LAMA3: variants seen among roughly 807,000 people sequenced by gnomAD.
The protein encoded by LAMA3 is laminin subunit alpha 3.
LAMA3 carries 281 observed loss-of-function variants against 402.0 expected under a neutral mutation model. The observed-to-expected ratio is 0.70, with a 90% CI of 0.63 to 0.77. The LOEUF (loss-of-function observed/expected upper bound fraction) is 0.77. Among genes scored for constraint, LAMA3 ranks in the 30% least tolerant of loss-of-function variants. LAMA3 has a pLI of 0.00. For synonymous variants in LAMA3, 1,431 were observed against 1,558.4 expected, an observed-to-expected ratio of 0.92 and a Z score of 1.93; for missense variants, 3,840 against 4,215.5, an observed-to-expected ratio of 0.91 and a Z score of 2.47.
chr18:23,731,476 C>A (rs1437352271), intron 2 of LAMA3, among the ~76,000 whole-genome samples: 3 of 152,192 alleles, frequency 2.0e-5, no homozygotes, highest in African/African-American at 7.2e-5. Context: ...AATGTATTAT[C>A]TTGTGGCAGA....
intron 13 of LAMA3, 60 bp downstream of exon 13, chr18:23,810,563 CT>C: frequency 6.3e-7 from 1 of 1,597,122 alleles, no homozygotes; most frequent in Non-Finnish European, 8.6e-7. Flanking sequence ...TGCAGCCAGC[CT>C]CCCAGAGAAG....
intron 56 of LAMA3, among the ~76,000 whole-genome samples, chr18:23,913,436 C>G (rs1051571687): frequency 2.6e-5 from 4 of 152,234 alleles, no homozygotes; most frequent in Non-Finnish European, 5.9e-5. Context: ...ATCACTACTA[C>G]TACTATCAGT....
chr18:23,690,077 T>G, intron 1 of LAMA3, 100 bp downstream of exon 1: 3 of 934,600 alleles, frequency 3.2e-6, no homozygotes, highest in Non-Finnish European at 3.0e-6. Flanking sequence ...CGCGCGCTAG[T>G]GGCTCCGGGC....
Position 23,827,321 on chromosome 18 carries a change from C to G in LAMA3, c.2677C>G (p.Leu893Val). ...YAGPPQENCL[L>V]YQHLPVTRFP... is the part of the protein sequence containing the mutation. ...TTGTTGCTGTTGTTGAAGTTGCTTA[C>G]TCTACCAGCATTTGCCAGTGACCAG... The change falls in exon 23 of 75, where the codon CTC becomes GTC. Residue 893 changes from leucine (L) to valine (V), a missense_variant. Around this residue, in one of 3 missense-constraint regions of LAMA3, gnomAD observed 2,109 missense variants for 2,376.0 expected, o/e 0.89. Coordinates refer to ENST00000313654, the MANE Select transcript of LAMA3 (RefSeq NM_198129.4). The G allele has an allele frequency of 1.2e-6, 2 of 1,614,190 alleles. No homozygotes were observed. Among genetic ancestry groups the G allele is most frequent in the South Asian group, 1.1e-5 (1 of 91,084 alleles).
In LAMA3 at chr18:23,839,960, CA is replaced by C. The variant is rs762788128; in HGVS notation, c.3336+34del. 1.2e-6 allele frequency: 2 copies of C among 1,611,428 alleles called. No homozygotes were observed. Among genetic ancestry groups the C allele is most frequent in the African/African-American group, 2.7e-5 (2 of 74,864 alleles). Reference sequence around the variant, plus strand: ...GTGCTGTTTCTAAACCAGTGGTTCTCAAAGTATGACCTCTGAAGCAGCAGCA... The same window carrying C: ...GTGCTGTTTCTAAACCAGTGGTTCTCAAGTATGACCTCTGAAGCAGCAGCA... On this transcript the variant is annotated intron_variant, in intron 27 of 74. Transcript: ENST00000313654. This position sits in a 1 kb window ranked among gnomAD's most constrained non-coding sequence, Gnocchi z 4.5.
At chr18:23,693,007 T>C (rs2060620893) in intron 1 of LAMA3, among the ~76,000 whole-genome samples, 1 of 152,230 alleles carries the variant, frequency 6.6e-6, no homozygotes, top group Non-Finnish European at 1.5e-5. Context: ...TGTTATTATA[T>C]ATGCATTTGT....
At chr18:23,773,366 A>G (rs2062243210) in intron 8 of LAMA3, 131 bp from the exon 9 acceptor site, 1 of 738,968 alleles carries the variant, frequency 1.4e-6, no homozygotes, top group Non-Finnish European at 2.4e-6. Context: ...ATGCTTTTTT[A>G]AATTATTATT....
At chr18:23,816,090 T>C (rs1307424327) in intron 17 of LAMA3, among the ~76,000 whole-genome samples, 5 of 152,226 alleles carry the variant, frequency 3.3e-5, no homozygotes, top group African/African-American at 7.2e-5. Flanking sequence ...AGCTGGCTTA[T>C]AGTAGCCGCC....
At chr18:23,754,766 G>A (rs1355419803) in intron 6 of LAMA3, among the ~76,000 whole-genome samples, 1 of 152,120 alleles carries the variant, frequency 6.6e-6, no homozygotes, top group Non-Finnish European at 1.5e-5. Flanking sequence ...TTAAAGGGCT[G>A]GAAATTACCG....
intron 8 of LAMA3, among the ~76,000 whole-genome samples, chr18:23,768,749 A>G (rs2062131956): frequency 6.6e-6 from 1 of 152,226 alleles, no homozygotes; most frequent in Non-Finnish European, 1.5e-5. Context: ...GGTGCCTATC[A>G]GTGGTGGATT....
intron 14 of LAMA3, among the ~76,000 whole-genome samples, chr18:23,813,392 A>G (rs946414116): frequency 6.6e-6 from 1 of 152,132 alleles, no homozygotes; most frequent in Non-Finnish European, 1.5e-5. Context: ...CCCTGCATGT[A>G]AGTCTGACAA....
At chr18:23,699,024 T>TAGAGAGAGAGAGAGAG (rs34691495) in intron 1 of LAMA3, among the ~76,000 whole-genome samples, 65 of 142,568 alleles carry the variant, frequency 4.6e-4, no homozygotes, top group African/African-American at 1.6e-3. Flanking sequence ...GGCGGGCAGA[T>TAGAGAGAGAGAGAGAG]AGAGAGAGAG....
intron 32 of LAMA3, among the ~76,000 whole-genome samples, chr18:23,854,706 C>T (rs1268553531): frequency 2.6e-5 from 4 of 151,020 alleles, no homozygotes; most frequent in African/African-American, 4.9e-5. Flanking sequence ...GCTCCAGGGC[C>T]GGATGTGGTG....
chr18:23,819,886 T>A lies in LAMA3; in HGVS notation c.2193T>A (p.Tyr731Ter). 1.9e-6 allele frequency: 3 copies of A among 1,614,114 alleles called. No homozygotes were observed. The highest frequency in any genetic ancestry group is 2.5e-6 in the Non-Finnish European group (3 of 1,179,962). ...TCCCAGATTTGCATCATATGAAGTA[T>A]GAGATTGAAGACGGCAGCACACCTA... Reference protein sequence around the residue: ...YYFPDLHHMKYEIEDGSTPNG... With the variant: ...YYFPDLHHMK Residue 731 changes from tyrosine to a stop codon, truncating the protein, a stop_gained, in exon 19 of 75, where the codon TAT becomes TAA. Transcript: ENST00000313654. LOFTEE classifies it high-confidence loss of function.
At position 23,816,415 on chromosome 18, in the gene LAMA3, T is replaced by C; in HGVS notation, c.2075T>C (p.Leu692Ser). The change falls in exon 18 of 75, where the codon TTG (leucine) becomes TCG (serine). Residue 692 changes from leucine (L) to serine (S), a missense_variant. Physicochemically the swap from Leu to Ser is moderately radical, Grantham distance 145. This residue lies in a region of LAMA3 where 2,109 missense variants were observed against 2,376.0 expected (regional missense o/e 0.89). Coordinates refer to ENST00000313654, the MANE Select transcript of LAMA3 (RefSeq NM_198129.4). Reference sequence around the variant, plus strand: ...TGTCAGTGTGACATTGGTGGGGCATTGTCCTCCATGTGCAGTGGGCCCTCG... The same window carrying C: ...TGTCAGTGTGACATTGGTGGGGCATCGTCCTCCATGTGCAGTGGGCCCTCG... ...QGCQCDIGGA[L>S]SSMCSGPSGV... 6.2e-7 allele frequency: 1 copy of C among 1,614,072 alleles called. No individual in the cohort carries two copies. The highest frequency in any genetic ancestry group is 8.5e-7 in the Non-Finnish European group (1 of 1,179,980).
intron 47 of LAMA3, among the ~76,000 whole-genome samples, chr18:23,900,151 A>G (rs1236208527): frequency 2.0e-5 from 3 of 152,028 alleles, no homozygotes; most frequent in Non-Finnish European, 2.9e-5. Flanking sequence ...ACTCACTGCA[A>G]CCTTCACCTC....
At chr18:23,884,510 T>C (rs2065007375) in intron 40 of LAMA3, among the ~76,000 whole-genome samples, 1 of 152,200 alleles carries the variant, frequency 6.6e-6, no homozygotes, top group South Asian at 2.1e-4. Flanking sequence ...CTCTGCTCTG[T>C]CTTAAGGGGA....
intron 39 of LAMA3, among the ~76,000 whole-genome samples, chr18:23,876,755 C>T (rs1384116406): frequency 5.9e-5 from 9 of 152,124 alleles, no homozygotes; most frequent in Non-Finnish European, 1.0e-4. Context: ...TTTGTTGGGG[C>T]GGCAGGAAGT....
rs531431796 is a variant in LAMA3, at chr18:23,880,192, A to G, written c.5113-1744A>G. Among the ~76,000 whole-genome samples, 98 of 152,294 alleles carry G rather than the reference A, an allele frequency of 6.4e-4. 2 individuals carry two copies. Among genetic ancestry groups the G allele is most frequent in the Non-Finnish European group, 1.6e-4 (11 of 68,020 alleles). On this transcript the variant is annotated intron_variant, in intron 39 of 74. Coordinates refer to ENST00000313654, the MANE Select transcript of LAMA3 (RefSeq NM_198129.4). ...ATCAACTGCAAGGAAGATTGTTCCC[A>G]GTGTCCAGACCTGAAGGAGTCTGGA...
Sources: gnomAD v4.1 joint callset for allele counts (sites outside exome capture counted in the v4.1 genomes callset) on GRCh38, gnomAD v4.1.1 for gene constraint, gnomAD v4.1.1 regional missense constraint, Gnocchi (gnomAD v3.1) non-coding constraint, MANE v1.5 for transcripts, NCBI Gene and HGNC (gene_info 2026-07-23, HGNC 2026-07-21) for gene names.